TRPC5: variants seen among roughly 807,000 people sequenced by gnomAD.
TRPC5 encodes short transient receptor potential channel 5.
A neutral mutation model predicts 56.5 loss-of-function variants in TRPC5; 9 were observed. The observed-to-expected ratio is 0.16, with a 90% CI of 0.10 to 0.28. The LOEUF (loss-of-function observed/expected upper bound fraction) is 0.28. TRPC5 is among the 10% of genes least tolerant of loss of function. The pLI, the probability that TRPC5 is intolerant of heterozygous loss-of-function variation, is 1.00. For missense variants in TRPC5, 469 were observed against 748.9 expected (o/e 0.63, Z 4.36); for synonymous variants, 282 against 278.5 (o/e 1.01, Z -0.13).
At chrX:112,019,481 G>A (rs1461826450) in intron 1 of TRPC5, among the ~76,000 whole-genome samples, 3 of 109,659 alleles carry the variant, frequency 2.7e-5, no homozygotes, top group African/African-American at 1.0e-4. Context: ...TGTCGCCCAG[G>A]CTGGAGTGCA....
In TRPC5 at chrX:111,879,579, G is replaced by A. The variant is rs758998962; in HGVS notation, c.901-25473C>T. ...TGCTAAATACTCTTAAGACACTAAA[G>A]AGTGATGCATCCAAATAAAAAGAAT... On this transcript the variant is annotated intron_variant, in intron 3 of 10. Transcript: ENST00000262839. 5.3e-5 allele frequency among the ~76,000 whole-genome samples: 6 copies of A among 112,463 alleles called. No individual in the cohort carries two copies. In the East Asian group the frequency reaches 1.7e-3, roughly 31 times the overall value.
chrX:111,936,450 C>T (rs1201629060), intron 2 of TRPC5, among the ~76,000 whole-genome samples: 11 of 109,477 alleles, frequency 1.0e-4, no homozygotes, highest in African/African-American at 3.7e-4. Context: ...CCCATTAACT[C>T]GTCATTTAGC....
At chrX:111,802,447 A>C (rs774430654) in intron 7 of TRPC5, among the ~76,000 whole-genome samples, 7 of 111,902 alleles carry the variant, frequency 6.3e-5, no homozygotes, top group Admixed American at 1.9e-4. Context: ...CTAGATAAGG[A>C]ATCCAAAGGC....
chrX:111,785,555 A>G, intron 7 of TRPC5, among the ~76,000 whole-genome samples: 1 of 112,222 alleles, frequency 8.9e-6, no homozygotes, highest in Middle Eastern at 4.6e-3. Context: ...AGCTGGACGG[A>G]GAATCACTTT....
intron 7 of TRPC5, among the ~76,000 whole-genome samples, chrX:111,800,475 C>T (rs1181424045): frequency 9.0e-6 from 1 of 110,704 alleles, no homozygotes; most frequent in Non-Finnish European, 1.9e-5. Context: ...ACTAAAAATC[C>T]AAAAATTGGC....
At chrX:111,844,228 G>C (rs111530423) in intron 6 of TRPC5, among the ~76,000 whole-genome samples, 7,877 of 110,092 alleles carry the variant, frequency 0.072, 666 homozygotes, top group African/African-American at 0.24. Flanking sequence ...CAGGAGATGA[G>C]GGCTGGATCA....
Position 111,820,760 on chromosome X carries a change from C to T in TRPC5, c.1896+14161G>A, listed in dbSNP as rs189210141. ...GCTCTCTCCTCATTTTAAAATATTC[C>T]GGGAAGTCTTATACATTAGCAATTA... On this transcript the variant is annotated intron_variant, in intron 7 of 10. Coordinates refer to ENST00000262839, the MANE Select transcript of TRPC5 (RefSeq NM_012471.3). Among the ~76,000 whole-genome samples the T allele has an allele frequency of 6.8e-3, 758 of 111,450 alleles. 4 individuals are homozygous for T. Among genetic ancestry groups the T allele is most frequent in the African/African-American group, 0.012 (355 of 30,698 alleles).
At chrX:111,834,864 C>T (rs551361833) in intron 7 of TRPC5, 57 bp downstream of exon 7, 39 of 952,920 alleles carry the variant, frequency 4.1e-5, no homozygotes, top group Admixed American at 5.1e-5. Flanking sequence ...AACTCTATGC[C>T]GATGTTGCCC....
chrX:111,856,587 G>A (rs186688045), intron 3 of TRPC5, among the ~76,000 whole-genome samples: 1 of 95,948 alleles, frequency 1.0e-5, no homozygotes, highest in East Asian at 2.9e-4. Context: ...AGGCCGAGGC[G>A]GGCAGATCAC....
chrX:111,920,200 G>A (rs1289984297), intron 2 of TRPC5, among the ~76,000 whole-genome samples: 1 of 111,226 alleles, frequency 9.0e-6, no homozygotes, highest in Non-Finnish European at 1.9e-5. Flanking sequence ...ACTTGAACCC[G>A]GGAGATGGAG....
In TRPC5 at chrX:112,005,804, G is replaced by C. The variant is rs764631489; in HGVS notation, c.-21-53363C>G. The stretch of plus-strand genomic sequence containing the variant: ...CTTTGTGAATTACTTCAGCAGCTCA[G>C]GATGAACCTTTGCTGCAAATTTGAA... On this transcript the variant is annotated intron_variant, in intron 1 of 10. Transcript: ENST00000262839. Among the ~76,000 whole-genome samples the C allele has an allele frequency of 2.7e-5, 3 of 111,738 alleles. No individual in the cohort carries two copies. The East Asian group carries it at 8.5e-4, about 32-fold the overall frequency.
At chrX:111,959,678 T>A (rs1316067981) in intron 1 of TRPC5, among the ~76,000 whole-genome samples, 1 of 111,667 alleles carries the variant, frequency 9.0e-6, no homozygotes, top group Non-Finnish European at 1.9e-5. Flanking sequence ...AGTCAGCATC[T>A]GAAGCTTATC....
At chrX:111,876,286 A>G (rs1488378469) in intron 3 of TRPC5, 2 of 111,318 alleles carry the variant, frequency 1.8e-5, no homozygotes. Flanking sequence ...GAGTTGCTTC[A>G]TAAACAATTT....
At chrX:111,901,960 T>G in intron 3 of TRPC5, 1 of 1,155,366 alleles carries the variant, frequency 8.7e-7, no homozygotes, top group Non-Finnish European at 1.1e-6. Context: ...TACAAGAAGT[T>G]CCTTATGTAG....
In TRPC5 at chrX:112,038,513, T is replaced by G. The variant is rs887624412; in HGVS notation, c.-22+43366A>C. Among the ~76,000 whole-genome samples, 4 of 112,107 alleles carry G rather than the reference T, an allele frequency of 3.6e-5. No homozygotes were observed. In the South Asian group the frequency reaches 1.5e-3, roughly 42 times the overall value. On this transcript the variant is annotated intron_variant, in intron 1 of 10. Transcript: ENST00000262839. The stretch of plus-strand genomic sequence containing the variant: ...TTCCGTAGTTTTTCTCTCCCTGTGC[T>G]GTAGGTGTTCTGTTATCTTTGTTTT...
chrX:112,026,733 C>G (rs748947353), intron 1 of TRPC5, among the ~76,000 whole-genome samples: 1 of 109,979 alleles, frequency 9.1e-6, no homozygotes, highest in South Asian at 3.9e-4. Context: ...ATCATGGAAC[C>G]CTATAGTCAA....
chrX:112,041,442 C>T (rs1437748610), intron 1 of TRPC5, among the ~76,000 whole-genome samples: 1 of 111,830 alleles, frequency 8.9e-6, no homozygotes, highest in Non-Finnish European at 1.9e-5. Context: ...GTTTTAAATA[C>T]ATTGACTCAT....
intron 3 of TRPC5, among the ~76,000 whole-genome samples, chrX:111,865,154 T>A (rs1030467947): frequency 3.7e-5 from 4 of 109,493 alleles, no homozygotes; most frequent in Non-Finnish European, 1.9e-5. Context: ...TAGCTGGGAT[T>A]ACAGGTGCGT....
At chrX:112,009,035 T>C (rs2148662172) in intron 1 of TRPC5, among the ~76,000 whole-genome samples, 1 of 111,655 alleles carries the variant, frequency 9.0e-6, no homozygotes, top group South Asian at 3.8e-4. Flanking sequence ...TGCTTTGTTT[T>C]CTCAAATGCT....
Sources: gnomAD v4.1 joint callset for allele counts (sites outside exome capture counted in the v4.1 genomes callset) on GRCh38, gnomAD v4.1.1 for gene constraint, MANE v1.5 for transcripts, NCBI Gene and HGNC (gene_info 2026-07-23, HGNC 2026-07-21) for gene names.